The following RBM12B variants were observed in gnomAD, a reference collection of about 807,000 sequenced individuals.
RBM12B encodes RNA-binding protein 12B.
A neutral mutation model predicts 34.3 loss-of-function variants in RBM12B; 10 were observed. That is an observed-to-expected ratio of 0.29 (90% CI 0.18 to 0.49). The LOEUF is 0.49. RBM12B is among the 20% of genes least tolerant of loss of function. The pLI is 0.99. For synonymous variants in RBM12B, 477 were observed against 437.1 expected (o/e 1.09, Z -1.14); for missense variants, 1,139 against 1,262.7 (o/e 0.90, Z 1.48).
Position 93,732,650 on chromosome 8 carries a change from C to T in RBM12B, c.*755G>A, listed in dbSNP as rs1343033444. 1 of 152,168 alleles carries T rather than the reference C, an allele frequency of 6.6e-6. No homozygotes were observed. The highest frequency in any genetic ancestry group is 1.5e-5 in the Non-Finnish European group (1 of 68,028). The allele number at this position is 152,168 out of a possible 1,614,324, so 9.4% of individuals were successfully genotyped here. ...AGAAACCATGGAATTATACACAGCA[C>T]TATACATTATTACTATAGAATGTCT... On this transcript the variant is annotated 3_prime_UTR_variant, in exon 4 of 4. Transcript: ENST00000520560.
chr8:93,734,891 T>C lies in RBM12B; in HGVS notation c.1520A>G (p.His507Arg). 1.2e-6 allele frequency: 2 copies of C among 1,614,106 alleles called. No homozygotes were observed. Among genetic ancestry groups the C allele is most frequent in the Non-Finnish European group, 8.5e-7 (1 of 1,179,996 alleles). The change falls in exon 4 of 4, where the codon CAT (histidine) becomes CGT (arginine). Residue 507 changes from histidine to arginine, a missense_variant. Coordinates refer to ENST00000520560, the MANE Select transcript of RBM12B (RefSeq NM_001377960.1). The stretch of plus-strand genomic sequence containing the variant: ...GTCTTTTGAGTCAAATAAATGGGAA[T>C]GGTCACCTCGCTCACGTGACTGTGA... Reference protein sequence around the residue: ...ARSQSRERGDHSHLFDSKDPP... With the variant: ...ARSQSRERGDRSHLFDSKDPP...
rs1346349485 is a variant in RBM12B at position 93,734,822 on chromosome 8, T to C, written c.1589A>G (p.Gln530Arg). The C allele has an allele frequency of 6.8e-6, 11 of 1,614,100 alleles. No homozygotes were observed. In the East Asian group the frequency reaches 2.4e-4, roughly 36 times the overall value. ...SVGAFENFRH[Q>R]LEDLRQLDNF... Reference sequence around the variant, plus strand: ...ATCCAGTTGCCTCAAGTCCTCTAGCTGATGTCTAAAGTTTTCAAAAGCACC... The same window carrying C: ...ATCCAGTTGCCTCAAGTCCTCTAGCCGATGTCTAAAGTTTTCAAAAGCACC... Residue 530 changes from glutamine to arginine, a missense_variant, in exon 4 of 4, where the codon CAG (glutamine) becomes CGG (arginine). Around this residue, in one of 3 missense-constraint regions of RBM12B, gnomAD observed 863 missense variants for 869.5 expected, o/e 0.99. Transcript: ENST00000520560.
At position 93,735,023 on chromosome 8, in the gene RBM12B, C is replaced by T. The variant is rs370751331; in HGVS notation, c.1388G>A (p.Arg463Gln). Residue 463 changes from arginine to glutamine, a missense_variant, in exon 4 of 4, where the codon CGA (arginine) becomes CAA (glutamine). Around this residue, in one of 3 missense-constraint regions of RBM12B, gnomAD observed 863 missense variants for 869.5 expected, o/e 0.99. Coordinates refer to ENST00000520560, the MANE Select transcript of RBM12B (RefSeq NM_001377960.1). ...QAMKAERLNR[R>Q]RFLGTEVLLR... ...TAACACCTCTGTCCCTAGGAATCTTCGTCGGTTTAAACGTTCAGCTTTCAT... is the reference window on the plus strand; with the variant it reads ...TAACACCTCTGTCCCTAGGAATCTTTGTCGGTTTAAACGTTCAGCTTTCAT... 2.2e-5 allele frequency: 35 copies of T among 1,613,996 alleles called. No individual in the cohort carries two copies. The highest frequency in any genetic ancestry group is 1.2e-4 in the Admixed American group (7 of 60,004).
chr8:93,729,666 G>C lies in RBM12B; in HGVS notation c.*3739C>G, dbSNP rs1811711297. The C allele has an allele frequency of 6.6e-6, 1 of 152,148 alleles. No individual in the cohort carries two copies. The highest frequency in any genetic ancestry group is 6.5e-5 in the Admixed American group (1 of 15,284). 9.4% of individuals were successfully genotyped at this position (152,148 alleles called of 1,614,324 possible). ...AATTTTCATTATTTAGACCAGCCTA[G>C]GTTGGCAAACTTCTTAAAGGGCCAG... is the stretch of plus-strand genomic sequence containing the variant. On this transcript the variant is annotated 3_prime_UTR_variant, in exon 4 of 4. Transcript: ENST00000520560.
chr8:93,734,746 T>G lies in RBM12B; in HGVS notation c.1665A>C (p.Pro555=), dbSNP rs1811955692. ...RDFRQPDRHP[P]EDFRHSSEDF... ...CCTCTGAGGAGTGTCGGAAGTCTTC[T>G]GGAGGGTGCCTGTCAGGCTGCCGGA... Residue 555 remains proline, a synonymous_variant, in exon 4 of 4, where the codon CCA becomes CCC. Transcript: ENST00000520560. The G allele has an allele frequency of 6.2e-7, 1 of 1,614,140 alleles. No individual in the cohort carries two copies. The highest frequency in any genetic ancestry group is 8.5e-7 in the Non-Finnish European group (1 of 1,180,012).
Position 93,735,020 on chromosome 8 carries a change from C to T in RBM12B, c.1391G>A (p.Arg464Lys), listed in dbSNP as rs1028929596. The part of the protein sequence containing the change: ...AMKAERLNRR[R>K]FLGTEVLLRL... ...TAATAACACCTCTGTCCCTAGGAAT[C>T]TTCGTCGGTTTAAACGTTCAGCTTT... Residue 464 changes from arginine to lysine, a missense_variant, in exon 4 of 4, where the codon AGA (arginine) becomes AAA (lysine). Physicochemically the swap from Arg to Lys is conservative, Grantham distance 26 (BLOSUM62 2). This residue lies in a region of RBM12B where 863 missense variants were observed against 869.5 expected (regional missense o/e 0.99). Transcript: ENST00000520560. 6.2e-7 allele frequency: 1 copy of T among 1,614,126 alleles called. No individual in the cohort carries two copies. The highest frequency in any genetic ancestry group is 8.5e-7 in the Non-Finnish European group (1 of 1,179,984).
rs1232573061 is a variant in RBM12B at position 93,731,313 on chromosome 8, G to C, written c.*2092C>G. On this transcript the variant is annotated 3_prime_UTR_variant, in exon 4 of 4. Transcript: ENST00000520560. ...AGCTTTATTCCTTTGTATCTGAGAA[G>C]CATTTTTTAACTTTCCATATATTAT... The C allele has an allele frequency of 6.6e-6, 1 of 152,152 alleles. No individual in the cohort carries two copies. Among genetic ancestry groups the C allele is most frequent in the Admixed American group, 6.6e-5 (1 of 15,266 alleles). 9.4% of individuals were successfully genotyped at this position (152,152 alleles called of 1,614,324 possible).
In RBM12B at chr8:93,734,754, G is replaced by A. The variant is rs754378044; in HGVS notation, c.1657C>T (p.His553Tyr). 5.6e-6 allele frequency: 9 copies of A among 1,614,034 alleles called. No homozygotes were observed. In the South Asian group the frequency reaches 7.7e-5, roughly 14 times the overall value. Residue 553 changes from histidine to tyrosine, a missense_variant, in exon 4 of 4, where the codon CAC becomes TAC. Coordinates refer to ENST00000520560, the MANE Select transcript of RBM12B (RefSeq NM_001377960.1). ...PQRDFRQPDR[H>Y]PPEDFRHSSE... is the part of the protein sequence containing the mutation. ...GAGTGTCGGAAGTCTTCTGGAGGGTGCCTGTCAGGCTGCCGGAAATCCCTC... is the reference window on the plus strand; with the variant it reads ...GAGTGTCGGAAGTCTTCTGGAGGGTACCTGTCAGGCTGCCGGAAATCCCTC...
rs962419627 is a variant in RBM12B at position 93,733,468 on chromosome 8, A to T, written c.2943T>A (p.Ala981=). The T allele has an allele frequency of 6.3e-7, 1 of 1,585,836 alleles. No homozygotes were observed. Among genetic ancestry groups the T allele is most frequent in the Non-Finnish European group, 8.6e-7 (1 of 1,165,796 alleles). Residue 981 remains alanine (A), a synonymous_variant, in exon 4 of 4, where the codon GCT becomes GCA. Coordinates refer to ENST00000520560, the MANE Select transcript of RBM12B (RefSeq NM_001377960.1). The part of the protein sequence containing the change: ...VAMINYNEAM[A]AIKDLNDRPV... ...GCCTATCATTTAGATCTTTAATAGC[A>T]GCCATAGCTTCATTATAGTTTATCA...
chr8:93,738,288 C>A (rs571364238), intron 2 of RBM12B, among the ~76,000 whole-genome samples: 4 of 152,132 alleles, frequency 2.6e-5, no homozygotes, highest in Admixed American at 6.5e-5. Context: ...ACTAAGGAAA[C>A]CCAAATGATG....
Position 93,735,138 on chromosome 8 carries a change from G to A in RBM12B, c.1273C>T (p.Leu425Phe), listed in dbSNP as rs1243938318. The A allele has an allele frequency of 6.2e-7, 1 of 1,614,064 alleles. No individual in the cohort carries two copies. The highest frequency in any genetic ancestry group is 2.2e-5 in the East Asian group (1 of 44,878). Residue 425 changes from leucine (L) to phenylalanine (F), a missense_variant, in exon 4 of 4, where the codon CTT becomes TTT. By Grantham distance (22) the Leu-to-Phe change is conservative. This residue lies in a region of RBM12B where 863 missense variants were observed against 869.5 expected (regional missense o/e 0.99). Coordinates refer to ENST00000520560, the MANE Select transcript of RBM12B (RefSeq NM_001377960.1). ...AGCAAGTAAATGTCATCCTCAGCAAGAAGAAAGTCTGCAAAGAACTTCTGC... is the reference window on the plus strand; with the variant it reads ...AGCAAGTAAATGTCATCCTCAGCAAAAAGAAAGTCTGCAAAGAACTTCTGC... ...EVQKFFADFL[L>F]AEDDIYLLYD...
rs562703392 is a variant in RBM12B at position 93,729,714 on chromosome 8, G to A, written c.*3691C>T. 6 of 152,226 alleles carry A rather than the reference G, an allele frequency of 3.9e-5. No homozygotes were observed. The highest frequency in any genetic ancestry group is 1.9e-4 in the East Asian group (1 of 5,184). The allele number at this position is 152,226 out of a possible 1,614,324, so 9.4% of individuals were successfully genotyped here. A position where few individuals can be genotyped will look rare whatever the true frequency, so the allele number is the denominator to read the frequency against. On this transcript the variant is annotated 3_prime_UTR_variant, in exon 4 of 4. Transcript: ENST00000520560. ...CAGATAGCAAATACTGTTATTCTTCGTGGGTTTAGGCAAATTCAAGACTAT... is the reference window on the plus strand; with the variant it reads ...CAGATAGCAAATACTGTTATTCTTCATGGGTTTAGGCAAATTCAAGACTAT...
At position 93,734,509 on chromosome 8, in the gene RBM12B, ATCCTCCTCCAGTGGCCGCCTCCAG is replaced by A. The variant is rs758870834; in HGVS notation, c.1878_1901del (p.Trp627_Asp634del). On this transcript the variant is annotated inframe_deletion, in exon 4 of 4. Coordinates refer to ENST00000520560, the MANE Select transcript of RBM12B (RefSeq NM_001377960.1). ...AGTCCTCCGTGGGAGACCGCCTGAA[ATCCTCCTCCAGTGGCCGCCTCCAG>A]TCCTCCTCAAGGGGCCTCCTCCAGT... is the stretch of plus-strand genomic sequence containing the variant. 3 of 1,607,670 alleles carry A rather than the reference ATCCTCCTCCAGTGGCCGCCTCCAG, an allele frequency of 1.9e-6. No individual in the cohort carries two copies. Among genetic ancestry groups the A allele is most frequent in the Admixed American group, 1.7e-5 (1 of 59,516 alleles).
rs962799284 is a variant in RBM12B at position 93,733,864 on chromosome 8, T to C, written c.2547A>G (p.Glu849=). 4.2e-5 allele frequency: 68 copies of C among 1,614,024 alleles called. No individual in the cohort carries two copies. Among genetic ancestry groups the C allele is most frequent in the Non-Finnish European group, 5.8e-5 (68 of 1,179,978 alleles). The change falls in exon 4 of 4, where the codon GAA becomes GAG. Residue 849 remains glutamate (E), a synonymous_variant. Transcript: ENST00000520560. Reference sequence around the variant, plus strand: ...CCTCCTCCGGAGCTTCCCTAAGGTCTTCCTCTGGGAGCTGCCTGAAGTCCT... The same window carrying C: ...CCTCCTCCGGAGCTTCCCTAAGGTCCTCCTCTGGGAGCTGCCTGAAGTCCT... ...SDEDFRQLPE[E]DLREAPEEDP... is the part of the protein sequence containing the mutation.
chr8:93,728,182 A>G lies in RBM12B; in HGVS notation c.*5223T>C. 6.9e-7 allele frequency: 1 copy of G among 1,445,212 alleles called. No homozygotes were observed. Among genetic ancestry groups the G allele is most frequent in the Non-Finnish European group, 9.2e-7 (1 of 1,085,234 alleles). The allele number at this position is 1,445,212 out of a possible 1,614,324, so 89.5% of individuals were successfully genotyped here. On this transcript the variant is annotated 3_prime_UTR_variant, in exon 4 of 4. Coordinates refer to ENST00000520560, the MANE Select transcript of RBM12B (RefSeq NM_001377960.1). ...TTTTTAAGTTAGTATTTTTATTTTAAAAAGTGTGTTAACTTTTAACAGGTA... is the reference window on the plus strand; with the variant it reads ...TTTTTAAGTTAGTATTTTTATTTTAGAAAGTGTGTTAACTTTTAACAGGTA...
At position 93,737,556 on chromosome 8, in the gene RBM12B, A is replaced by G. The variant is rs143934043; in HGVS notation, c.-77-201T>C. Among the ~76,000 whole-genome samples the G allele has an allele frequency of 4.1e-4, 62 of 152,324 alleles. 1 individual carries two copies. Among genetic ancestry groups the G allele is most frequent in the Admixed American group, 1.3e-3 (20 of 15,298 alleles). ...TGCAAAAAGGAGATACAATATCCAA[A>G]TAGACATATAAAAATTATTTAAAAA... is the stretch of plus-strand genomic sequence containing the variant. On this transcript the variant is annotated intron_variant, in intron 2 of 3. Coordinates refer to ENST00000520560, the MANE Select transcript of RBM12B (RefSeq NM_001377960.1).
chr8:93,740,316 C>A (rs1212403212), intron 2 of RBM12B: 1 of 457,110 alleles, frequency 2.2e-6, no homozygotes, highest in African/African-American at 2.0e-5. Context: ...ATTCTACAGC[C>A]CAAAGCCTTT....
chr8:93,736,400 A>C lies in RBM12B; in HGVS notation c.11T>G (p.Val4Gly). The C allele has an allele frequency of 6.3e-7, 1 of 1,584,478 alleles. No homozygotes were observed. Among genetic ancestry groups the C allele is most frequent in the South Asian group, 1.1e-5 (1 of 87,140 alleles). Residue 4 changes from valine to glycine, a missense_variant, in exon 4 of 4, where the codon GTC becomes GGC. Val to Gly is a moderately radical substitution (Grantham distance 109). Coordinates refer to ENST00000520560, the MANE Select transcript of RBM12B (RefSeq NM_001377960.1). ...AAAAGGAAGCCCCAGTAAACGGATGACTACAGCCATGCTGAGCTCAAACCA... is the reference window on the plus strand; with the variant it reads ...AAAAGGAAGCCCCAGTAAACGGATGCCTACAGCCATGCTGAGCTCAAACCA... The part of the protein sequence containing the change: MAV[V>G]IRLLGLPFIA...
rs1244725501 is a variant in RBM12B, at chr8:93,731,194, C to G, written c.*2211G>C. On this transcript the variant is annotated 3_prime_UTR_variant, in exon 4 of 4. Transcript: ENST00000520560. ...TAAAACTACAAAGCTTATGTTTACT[C>G]TAGCTGGCCTCTTATCTACCACCAC... is the stretch of plus-strand genomic sequence containing the variant. 3 of 152,170 alleles carry G rather than the reference C, an allele frequency of 2.0e-5. No homozygotes were observed. The highest frequency in any genetic ancestry group is 7.2e-5 in the African/African-American group (3 of 41,442). 9.4% of individuals were successfully genotyped at this position (152,170 alleles called of 1,614,324 possible). A position where few individuals can be genotyped will look rare whatever the true frequency, so the allele number is the denominator to read the frequency against.
Sources: gnomAD v4.1 joint callset for allele counts (sites outside exome capture counted in the v4.1 genomes callset) on GRCh38, gnomAD v4.1.1 for gene constraint, gnomAD v4.1.1 regional missense constraint, MANE v1.5 for transcripts, NCBI Gene and HGNC (gene_info 2026-07-23, HGNC 2026-07-21) for gene names.